Variants in SIAE observed in about 807,000 individuals in gnomAD.
The protein encoded by SIAE is sialate O-acetylesterase.
Under a neutral mutation model 52.6 loss-of-function variants are expected in SIAE, and 39 were observed. The ratio of observed to expected loss-of-function variants is 0.74; its 90% confidence interval spans 0.57 to 0.97. SIAE has a LOEUF of 0.97. Among genes scored for constraint, SIAE ranks in the 50% least tolerant of loss-of-function variants. The pLI is 0.00. For missense variants in SIAE, 592 were observed against 662.1 expected, an observed-to-expected ratio of 0.89 and a Z score of 1.16; for synonymous variants, 233 against 241.4, an observed-to-expected ratio of 0.97 and a Z score of 0.32.
chr11:124,660,339 G>T, intron 3 of SIAE: 1 of 347,024 alleles, frequency 2.9e-6, no homozygotes, highest in Non-Finnish European at 5.4e-6. Flanking sequence ...AACTTGAGAA[G>T]AAACTCAGTT....
At chr11:124,648,807 C>T (rs949120212) in intron 5 of SIAE, among the ~76,000 whole-genome samples, 4 of 152,170 alleles carry the variant, frequency 2.6e-5, no homozygotes, top group African/African-American at 9.7e-5. Context: ...TCTGGTCTAA[C>T]GCTCACTCCT....
intron 3 of SIAE, chr11:124,659,580 G>A (rs1328433054): frequency 7.6e-6 from 1 of 131,782 alleles, no homozygotes; most frequent in East Asian, 2.6e-4. Flanking sequence ...GCTGCAGTGA[G>A]CTATGATCAT....
chr11:124,646,423 C>G (rs1942935941), intron 7 of SIAE, among the ~76,000 whole-genome samples: 10 of 152,092 alleles, frequency 6.6e-5, no homozygotes, highest in Admixed American at 6.5e-4. Flanking sequence ...TCTGGATAGT[C>G]ACAGAAGGCT....
At chr11:124,658,785 T>C (rs554580453) in intron 3 of SIAE, 1 of 151,804 alleles carries the variant, frequency 6.6e-6, no homozygotes, top group South Asian at 2.1e-4. Flanking sequence ...GGAGAAAGAC[T>C]CGTGTGTGTA....
At chr11:124,671,684 G>A (rs1028908334) in intron 1 of SIAE, among the ~76,000 whole-genome samples, 1 of 152,184 alleles carries the variant, frequency 6.6e-6, no homozygotes, top group African/African-American at 2.4e-5. Flanking sequence ...AAAAAAAAGA[G>A]AGAGAGAATG....
intron 2 of SIAE, 77 bp downstream of exon 2, chr11:124,669,283 G>C (rs1565419029): frequency 6.5e-7 from 1 of 1,534,616 alleles, no homozygotes; most frequent in Non-Finnish European, 9.0e-7. Context: ...GTGAGCTACA[G>C]CATTAGCATT....
At chr11:124,656,477 T>C (rs1943102019) in intron 3 of SIAE, among the ~76,000 whole-genome samples, 1 of 152,126 alleles carries the variant, frequency 6.6e-6, no homozygotes, top group Non-Finnish European at 1.5e-5. Context: ...TAAATCATAT[T>C]TTCCCAAATC....
chr11:124,669,316 T>A, intron 2 of SIAE, 44 bp downstream of exon 2: 1 of 1,610,572 alleles, frequency 6.2e-7, no homozygotes, highest in Non-Finnish European at 8.5e-7. Context: ...ATCCAGCAGG[T>A]GGCAGAAGAG....
intron 3 of SIAE, among the ~76,000 whole-genome samples, chr11:124,656,020 G>A (rs1212428007): frequency 1.3e-5 from 2 of 151,918 alleles, no homozygotes; most frequent in Admixed American, 6.6e-5. Context: ...TAAAAATATT[G>A]TACAAAATTA....
chr11:124,675,534 T>C, upstream of SIAE: 2 of 1,105,080 alleles, frequency 1.8e-6, no homozygotes, highest in South Asian at 3.3e-5. Flanking sequence ...GCAGGGAGTT[T>C]CAGATAACAG....
Position 124,655,174 on chromosome 11 carries a change from C to CCTTTT in SIAE, c.406-382_406-381insAAAAG, listed in dbSNP as rs1555098374. Reference sequence around the variant, plus strand: ...ACAAAACCAGACCAATTAACTTCTTCTTTTTTTTTTTTTTTTGTGTGTGAG... The same window carrying CCTTTT: ...ACAAAACCAGACCAATTAACTTCTTCCTTTTTTTTTTTTTTTTTTTTGTGTGTGAG... On this transcript the variant is annotated intron_variant, in intron 3 of 9. Transcript: ENST00000263593. 6.5e-3 allele frequency among the ~76,000 whole-genome samples: 879 copies of CCTTTT among 134,950 alleles called. 11 individuals carry two copies. In the East Asian group the frequency reaches 0.074, roughly 11 times the overall value. 88.5% of individuals were successfully genotyped at this position (134,950 alleles called of 152,430 possible). A position where few individuals can be genotyped will look rare whatever the true frequency, so the allele number is the denominator to read the frequency against.
At chr11:124,663,231 A>T (rs1304483887) in intron 2 of SIAE, among the ~76,000 whole-genome samples, 1 of 152,034 alleles carries the variant, frequency 6.6e-6, no homozygotes, top group Non-Finnish European at 1.5e-5. Context: ...AACTTGATAC[A>T]CTCCAGAGAG....
intron 7 of SIAE, among the ~76,000 whole-genome samples, chr11:124,646,115 T>G (rs1942929358): frequency 1.3e-5 from 2 of 152,220 alleles, no homozygotes; most frequent in African/African-American, 4.8e-5. Context: ...ACTACCACCG[T>G]GCTAAAAAGT....
At chr11:124,644,826 T>C (rs1256528075) in intron 7 of SIAE, among the ~76,000 whole-genome samples, 2 of 152,200 alleles carry the variant, frequency 1.3e-5, no homozygotes, top group Non-Finnish European at 2.9e-5. Context: ...TGTCCAGCCC[T>C]GGTCTCTCCG....
At chr11:124,660,306 A>G (rs1257228257) in intron 3 of SIAE, 1 of 343,078 alleles carries the variant, frequency 2.9e-6, no homozygotes, top group Non-Finnish European at 5.6e-6. Context: ...AGAAAAAAAA[A>G]AAAAAGCAAG....
At chr11:124,665,001 T>C (rs1431191912) in intron 2 of SIAE, among the ~76,000 whole-genome samples, 1 of 149,278 alleles carries the variant, frequency 6.7e-6, no homozygotes, top group African/African-American at 2.4e-5. Context: ...CCAAACTACA[T>C]TTATTCTGTT....
At position 124,647,988 on chromosome 11, in the gene SIAE, G is replaced by C. The variant is rs112301168; in HGVS notation, c.832+78C>G. 250 of 1,097,616 alleles carry C rather than the reference G, an allele frequency of 2.3e-4. No homozygotes were observed. The African/African-American group carries it at 3.2e-3, about 14-fold the overall frequency. 68.0% of individuals were successfully genotyped at this position (1,097,616 alleles called of 1,614,324 possible). A position where few individuals can be genotyped will look rare whatever the true frequency, so the allele number is the denominator to read the frequency against. The stretch of plus-strand genomic sequence containing the variant: ...AATTATAAAGTTATTGTTGCTTTAA[G>C]CCACTACGTTCTAGGGTGCTGTGTT... On this transcript the variant is annotated intron_variant, in intron 6 of 9. Transcript: ENST00000263593.
rs1239047798 is a variant in SIAE, at chr11:124,670,508, C to T, written c.68-987G>A. On this transcript the variant is annotated intron_variant, in intron 1 of 9. Transcript: ENST00000263593. The surrounding 1 kb of genome is among the most constrained non-coding windows in gnomAD (Gnocchi z 4.5). ...CCCAATTTATCTGAATAAAACAGAC[C>T]CCAAACTACCTAAAATAATTAACAA... Among the ~76,000 whole-genome samples, 1 of 151,928 alleles carries T rather than the reference C, an allele frequency of 6.6e-6. No individual in the cohort carries two copies.
rs373597474 is a variant in SIAE at position 124,638,702 on chromosome 11, C to T, written c.1160G>A (p.Arg387Gln). Reference sequence around the variant, plus strand: ...CAGAGCACGGGCCCCCAAATGCAGCCGATAAGCCACAGTCTGTTTATCTCG... The same window carrying T: ...CAGAGCACGGGCCCCCAAATGCAGCTGATAAGCCACAGTCTGTTTATCTCG... Reference protein sequence around the residue: ...HPRDKQTVAYRLHLGARALAY... With the variant: ...HPRDKQTVAYQLHLGARALAY... The change falls in exon 9 of 10, where the codon CGG (arginine) becomes CAG (glutamine). Residue 387 changes from arginine (R) to glutamine (Q), a missense_variant. Arg to Gln is a conservative substitution (Grantham distance 43). Transcript: ENST00000263593. 235 of 1,613,872 alleles carry T rather than the reference C, an allele frequency of 1.5e-4. 2 individuals are homozygous for T. In the South Asian group the frequency reaches 2.3e-3, roughly 16 times the overall value.
Sources: gnomAD v4.1 joint callset for allele counts (sites outside exome capture counted in the v4.1 genomes callset) on GRCh38, gnomAD v4.1.1 for gene constraint, Gnocchi (gnomAD v3.1) non-coding constraint, MANE v1.5 for transcripts, NCBI Gene and HGNC (gene_info 2026-07-23, HGNC 2026-07-21) for gene names.